The following MAST2 variants were observed in gnomAD, a reference collection of about 807,000 sequenced individuals.
MAST2 encodes the protein microtubule associated serine/threonine kinase 2.
A neutral mutation model predicts 147.4 loss-of-function variants in MAST2; 70 were observed. The ratio of observed to expected loss-of-function variants is 0.47; its 90% CI spans 0.39 to 0.58. The LOEUF is 0.58. Among genes scored for constraint, MAST2 ranks in the 20% least tolerant of loss-of-function variants. MAST2 has a pLI of 0.00. For missense variants in MAST2, 2,080 were observed against 2,302.3 expected, an observed-to-expected ratio of 0.90 and a Z score of 1.98; for synonymous variants, 869 against 896.8, an observed-to-expected ratio of 0.97 and a Z score of 0.55.
intron 5 of MAST2, among the ~76,000 whole-genome samples, chr1:45,970,301 C>T (rs1351082592): frequency 6.6e-6 from 1 of 152,100 alleles, no homozygotes; most frequent in Non-Finnish European, 1.5e-5. Context: ...ACTGAGCTTC[C>T]AGCAATTCCT....
intron 4 of MAST2, among the ~76,000 whole-genome samples, chr1:45,934,999 C>T (rs1655970136): frequency 1.3e-5 from 2 of 152,252 alleles, no homozygotes; most frequent in Admixed American, 6.5e-5. Flanking sequence ...AGAGGCTGAA[C>T]TAATTTACAA....
At position 45,851,204 on chromosome 1, in the gene MAST2, G is replaced by T. The variant is rs192712707; in HGVS notation, c.468+21623G>T. ...CCTCCTTGGTTAGATGTATTCTTAG[G>T]TACTTTTTCTTTTTCTTTTTTTTGT... On this transcript the variant is annotated intron_variant, in intron 3 of 28. Transcript: ENST00000361297. 3.0e-3 allele frequency among the ~76,000 whole-genome samples: 450 copies of T among 152,052 alleles called. 2 individuals carry two copies. Among genetic ancestry groups the T allele is most frequent in the Non-Finnish European group, 4.8e-3 (323 of 67,980 alleles).
intron 1 of MAST2, among the ~76,000 whole-genome samples, chr1:45,819,210 G>A (rs1038703529): frequency 1.3e-5 from 2 of 149,808 alleles, no homozygotes; most frequent in African/African-American, 4.9e-5. Flanking sequence ...CCGAGATCAT[G>A]CCATTGCACT....
At chr1:45,963,315 C>T (rs1212161501) in intron 5 of MAST2, among the ~76,000 whole-genome samples, 1 of 152,150 alleles carries the variant, frequency 6.6e-6, no homozygotes, top group Non-Finnish European at 1.5e-5. Context: ...TCCCTGGTAG[C>T]TTGATGGGGG....
intron 4 of MAST2, among the ~76,000 whole-genome samples, chr1:45,890,502 CTT>C (rs924252089): frequency 2.6e-5 from 4 of 152,128 alleles, no homozygotes; most frequent in Non-Finnish European, 4.4e-5. Flanking sequence ...GTCTCTTCTT[CTT>C]TTTCTTCTTC....
chr1:45,885,340 G>A (rs1557867446), intron 4 of MAST2, among the ~76,000 whole-genome samples: 1 of 152,130 alleles, frequency 6.6e-6, no homozygotes. Context: ...TTTAGAATTT[G>A]CCTCTAGTTT....
intron 3 of MAST2, among the ~76,000 whole-genome samples, chr1:45,834,921 T>C (rs1385464000): frequency 6.6e-6 from 1 of 152,098 alleles, no homozygotes; most frequent in Non-Finnish European, 1.5e-5. Context: ...CCAAGCCAGT[T>C]CTTCCTTGTT....
intron 7 of MAST2, among the ~76,000 whole-genome samples, chr1:46,005,208 C>T (rs949250511): frequency 2.6e-5 from 4 of 152,080 alleles, no homozygotes; most frequent in Non-Finnish European, 5.9e-5. Context: ...ATTAAAAATA[C>T]AAAATTACCC....
intron 4 of MAST2, among the ~76,000 whole-genome samples, chr1:45,938,346 T>C (rs1570816751): frequency 6.6e-6 from 1 of 152,196 alleles, no homozygotes; most frequent in Non-Finnish European, 1.5e-5. Context: ...TTCTTGGAGA[T>C]GGAGTCTCAC....
At chr1:45,895,490 T>C (rs964577168) in intron 4 of MAST2, among the ~76,000 whole-genome samples, 1 of 152,202 alleles carries the variant, frequency 6.6e-6, no homozygotes, top group African/African-American at 2.4e-5. Context: ...CGTAAACTTC[T>C]TTGTTCATCT....
chr1:45,908,161 T>C (rs1289039180), intron 4 of MAST2, among the ~76,000 whole-genome samples: 1 of 152,134 alleles, frequency 6.6e-6, no homozygotes, highest in East Asian at 1.9e-4. Context: ...TTCTTTTCTT[T>C]ATTATATTTT....
intron 4 of MAST2, among the ~76,000 whole-genome samples, chr1:45,899,864 T>G (rs994268685): frequency 1.3e-5 from 2 of 152,066 alleles, no homozygotes; most frequent in African/African-American, 4.8e-5. Context: ...AAAAATTTTT[T>G]TTTTTAAGAT....
At chr1:45,859,226 CT>C (rs2148052008) in intron 3 of MAST2, among the ~76,000 whole-genome samples, 1 of 152,260 alleles carries the variant, frequency 6.6e-6, no homozygotes, top group African/African-American at 2.4e-5. Flanking sequence ...TGATGAGTAG[CT>C]GGGACTACAG....
chr1:45,962,463 C>T (rs1252415765), intron 5 of MAST2, among the ~76,000 whole-genome samples: 1 of 152,188 alleles, frequency 6.6e-6, no homozygotes, highest in Non-Finnish European at 1.5e-5. Flanking sequence ...GATCGCCATT[C>T]TAACTGGTGC....
intron 4 of MAST2, among the ~76,000 whole-genome samples, chr1:45,922,738 T>C (rs1045727567): frequency 1.3e-5 from 2 of 152,042 alleles, no homozygotes; most frequent in Non-Finnish European, 2.9e-5. Context: ...CCTGGGGGGC[T>C]CCCACCCCAC....
chr1:45,876,665 A>T (rs6682683), intron 3 of MAST2, among the ~76,000 whole-genome samples: 2 of 151,922 alleles, frequency 1.3e-5, no homozygotes, highest in Non-Finnish European at 2.9e-5. Context: ...GAAAAGGAGG[A>T]TTGAGAAATC....
At position 46,031,430 on chromosome 1, in the gene MAST2, A is replaced by G. The variant is rs1309012524; in HGVS notation, c.3032A>G (p.Glu1011Gly). 6.2e-7 allele frequency: 1 copy of G among 1,613,816 alleles called. No homozygotes were observed. The highest frequency in any genetic ancestry group is 1.3e-5 in the African/African-American group (1 of 74,916). The change falls in exon 24 of 29, where the codon GAG becomes GGG. Residue 1011 changes from glutamate to glycine, a missense_variant. Glu to Gly is a moderately conservative substitution (Grantham distance 98). This residue lies in a region of MAST2 where 1,278 missense variants were observed against 1,304.2 expected (regional missense o/e 0.98). Transcript: ENST00000361297. The surrounding 1 kb of genome is among the most constrained non-coding windows in gnomAD (Gnocchi z 4.1). ...TRGRGTSQLA[E>G]GATAKAISDL... ...GGCCGTGGGACCTCACAGCTGGCTG[A>G]GGGAGCCACAGCCAAGGCCATCAGT... is the stretch of plus-strand genomic sequence containing the variant.
At position 45,928,085 on chromosome 1, in the gene MAST2, A is replaced by G. The variant is rs563077873; in HGVS notation, c.501-31301A>G. Among the ~76,000 whole-genome samples the G allele has an allele frequency of 2.6e-5, 4 of 152,306 alleles. No individual in the cohort carries two copies. The East Asian group carries it at 5.8e-4, about 22-fold the overall frequency. On this transcript the variant is annotated intron_variant, in intron 4 of 28. Transcript: ENST00000361297. ...TAAATTTTACATTGTGTTATGGAAA[A>G]ATCTCAAAAATGTTCAAAAGTAGAA...
At chr1:45,845,173 G>A (rs1376868547) in intron 3 of MAST2, among the ~76,000 whole-genome samples, 1 of 152,116 alleles carries the variant, frequency 6.6e-6, no homozygotes, top group Non-Finnish European at 1.5e-5. Flanking sequence ...TTTGTTGATG[G>A]TTAGAATACA....
Sources: allele counts gnomAD v4.1 joint callset (sites outside exome capture counted in the v4.1 genomes callset), GRCh38; gene constraint gnomAD v4.1.1; regional missense constraint gnomAD v4.1.1; non-coding constraint Gnocchi (gnomAD v3.1); transcripts MANE v1.5; gene names NCBI Gene and HGNC (gene_info 2026-07-23, HGNC 2026-07-21).